SYT9: variants seen among roughly 807,000 people sequenced by gnomAD.
SYT9 encodes synaptotagmin 9.
SYT9 carries 22 observed loss-of-function variants against 48.4 expected under a neutral mutation model. The observed-to-expected ratio is 0.45, with a 90% CI of 0.32 to 0.65. SYT9 has a LOEUF of 0.65. Among genes scored for constraint, SYT9 ranks in the 30% least tolerant of loss-of-function variants. The pLI is 0.03. For missense variants in SYT9, 577 were observed against 622.0 expected (o/e 0.93, Z 0.77); for synonymous variants, 265 against 245.0 (o/e 1.08, Z -0.76).
At chr11:7,433,737 G>A (rs1352949278) in intron 6 of SYT9, among the ~76,000 whole-genome samples, 1 of 152,202 alleles carries the variant, frequency 6.6e-6, no homozygotes, top group Admixed American at 6.5e-5. Context: ...CCATCCATGA[G>A]GCAGAGAGCT....
chr11:7,448,085 A>G (rs1248476668), intron 6 of SYT9, among the ~76,000 whole-genome samples: 1 of 152,238 alleles, frequency 6.6e-6, no homozygotes, highest in Non-Finnish European at 1.5e-5. Context: ...GCCTCTCTGT[A>G]GGGGCTTTAA....
chr11:7,406,495 G>C (rs1034898934), intron 3 of SYT9, among the ~76,000 whole-genome samples: 3 of 147,400 alleles, frequency 2.0e-5, no homozygotes, highest in Non-Finnish European at 4.5e-5. Context: ...CAAATGACAT[G>C]ATTTCATTCT....
intron 3 of SYT9, among the ~76,000 whole-genome samples, chr11:7,402,814 A>G (rs1347552246): frequency 5.3e-5 from 8 of 152,186 alleles, no homozygotes; most frequent in Non-Finnish European, 1.2e-4. Flanking sequence ...GTTATTAAGT[A>G]TACACATTGA....
At chr11:7,263,176 T>C (rs1690523841) in intron 1 of SYT9, among the ~76,000 whole-genome samples, 1 of 152,168 alleles carries the variant, frequency 6.6e-6, no homozygotes, top group African/African-American at 2.4e-5. Flanking sequence ...CTAGCAAAAC[T>C]ACCATAAGCT....
chr11:7,274,598 A>G (rs1230957796), intron 1 of SYT9, among the ~76,000 whole-genome samples: 1 of 152,196 alleles, frequency 6.6e-6, no homozygotes, highest in Non-Finnish European at 1.5e-5. Flanking sequence ...GATTATAGGC[A>G]TGAGCCACTG....
intron 6 of SYT9, chr11:7,450,300 G>A (rs987598851): frequency 1.3e-5 from 2 of 152,142 alleles, no homozygotes; most frequent in African/African-American, 2.4e-5. Context: ...CTTAGGACTC[G>A]GGCCTGGGAT....
intron 6 of SYT9, among the ~76,000 whole-genome samples, chr11:7,422,713 G>T (rs1415882289): frequency 6.6e-6 from 1 of 152,218 alleles, no homozygotes; most frequent in Non-Finnish European, 1.5e-5. Context: ...AGGGCTGAGA[G>T]GTGAGCCCTG....
At chr11:7,395,587 A>G (rs557999636) in intron 3 of SYT9, among the ~76,000 whole-genome samples, 2 of 152,184 alleles carry the variant, frequency 1.3e-5, no homozygotes, top group East Asian at 3.9e-4. Context: ...CTTTATCATT[A>G]TGTAATGACT....
intron 3 of SYT9, among the ~76,000 whole-genome samples, chr11:7,367,146 A>G (rs998729958): frequency 2.3e-5 from 3 of 131,668 alleles, no homozygotes; most frequent in Admixed American, 9.0e-5. Context: ...CAGTGGCGCA[A>G]TCTCGGCTCA....
chr11:7,263,739 T>C (rs1002295995), intron 1 of SYT9, among the ~76,000 whole-genome samples: 3 of 152,172 alleles, frequency 2.0e-5, no homozygotes, highest in African/African-American at 4.8e-5. Context: ...TGAAGGCTAA[T>C]TGGTGACCTT....
At chr11:7,455,481 C>A (rs1848135007) in intron 6 of SYT9, among the ~76,000 whole-genome samples, 2 of 151,264 alleles carry the variant, frequency 1.3e-5, no homozygotes, top group African/African-American at 4.9e-5. Context: ...CTACAGGCAC[C>A]CGCCACCACG....
At chr11:7,261,995 A>G (rs1848089029) in intron 1 of SYT9, among the ~76,000 whole-genome samples, 1 of 152,212 alleles carries the variant, frequency 6.6e-6, no homozygotes, top group Non-Finnish European at 1.5e-5. Context: ...TGACCAGCAC[A>G]TAGAAAACAG....
At chr11:7,323,451 C>T (rs1463187009) in intron 3 of SYT9, among the ~76,000 whole-genome samples, 2 of 151,618 alleles carry the variant, frequency 1.3e-5, no homozygotes, top group Admixed American at 6.6e-5. Flanking sequence ...GCTTGCTCTC[C>T]CTACCTCATC....
rs753531595 is a variant in SYT9 at position 7,374,787 on chromosome 11, T to G, written c.1045-41255T>G. On this transcript the variant is annotated intron_variant, in intron 3 of 6. Transcript: ENST00000318881. Reference sequence around the variant, plus strand: ...GGGTTGATTGTTTTTTTCTTGTAAATTTGTTTAAGTTCCTTGTAGATTCTG... The same window carrying G: ...GGGTTGATTGTTTTTTTCTTGTAAAGTTGTTTAAGTTCCTTGTAGATTCTG... Among the ~76,000 whole-genome samples, 82 of 152,230 alleles carry G rather than the reference T, an allele frequency of 5.4e-4. 1 individual carries two copies. Among genetic ancestry groups the G allele is most frequent in the Non-Finnish European group, 7.6e-4 (52 of 68,034 alleles).
chr11:7,363,835 T>C (rs1850191471), intron 3 of SYT9, among the ~76,000 whole-genome samples: 2 of 152,020 alleles, frequency 1.3e-5, no homozygotes, highest in African/African-American at 4.8e-5. Context: ...TAGGGGCACA[T>C]TGGTGACAGC....
In SYT9 at chr11:7,252,402, T is replaced by C; in HGVS notation, c.145+71T>C. 1.5e-6 allele frequency: 2 copies of C among 1,343,640 alleles called. No homozygotes were observed. The highest frequency in any genetic ancestry group is 9.6e-7 in the Non-Finnish European group (1 of 1,046,288). 83.2% of individuals were successfully genotyped at this position (1,343,640 alleles called of 1,614,324 possible). On this transcript the variant is annotated intron_variant, in intron 1 of 6. Transcript: ENST00000318881. The surrounding 1 kb of genome is among the most constrained non-coding windows in gnomAD (Gnocchi z 6.3). Reference sequence around the variant, plus strand: ...TGGGACTTGGGGCCGCACCGGGGCCTGAGGCAGAACAGCGACGCGGACTGG... The same window carrying C: ...TGGGACTTGGGGCCGCACCGGGGCCCGAGGCAGAACAGCGACGCGGACTGG...
At chr11:7,241,483 T>C (rs1425197422) in intron 1 of SYT9, among the ~76,000 whole-genome samples, 3 of 152,178 alleles carry the variant, frequency 2.0e-5, no homozygotes, top group African/African-American at 7.2e-5. Context: ...AATTGAAGTC[T>C]CTGTGTTGAA....
chr11:7,349,502 G>A (rs1849870264), intron 3 of SYT9, among the ~76,000 whole-genome samples: 1 of 152,078 alleles, frequency 6.6e-6, no homozygotes, highest in African/African-American at 2.4e-5. Flanking sequence ...CCTCCAGCCA[G>A]TTGAGGTGGG....
At chr11:7,345,107 A>G (rs988014948) in intron 3 of SYT9, among the ~76,000 whole-genome samples, 3 of 152,088 alleles carry the variant, frequency 2.0e-5, no homozygotes, top group Admixed American at 6.6e-5. Context: ...TCCCTCAGCA[A>G]TATTTTCTAA....
Sources: allele counts gnomAD v4.1 joint callset (sites outside exome capture counted in the v4.1 genomes callset), GRCh38; gene constraint gnomAD v4.1.1; non-coding constraint Gnocchi (gnomAD v3.1); transcripts MANE v1.5; gene names NCBI Gene and HGNC (gene_info 2026-07-23, HGNC 2026-07-21).